The following KCNN2 variants were observed in gnomAD, a reference collection of about 807,000 sequenced individuals.
KCNN2 encodes potassium calcium-activated channel subfamily N member 2.
In KCNN2, 24 loss-of-function variants were observed where a neutral mutation model predicts 55.5. The ratio of observed to expected loss-of-function variants is 0.43; its 90% confidence interval spans 0.31 to 0.61. The LOEUF is 0.61. Ranked by LOEUF, KCNN2 falls within the 20% of genes least tolerant of loss-of-function variation. KCNN2 has a pLI of 0.08. For synonymous variants in KCNN2, 431 were observed against 336.1 expected, an observed-to-expected ratio of 1.28 and a Z score of -3.09; for missense variants, 754 against 853.6, an observed-to-expected ratio of 0.88 and a Z score of 1.45.
intron 2 of KCNN2, among the ~76,000 whole-genome samples, chr5:114,258,037 G>GT (rs1755017553): frequency 6.6e-6 from 1 of 151,944 alleles, no homozygotes. Context: ...TTTGTTGAGG[G>GT]TTTTTTAATC....
intron 2 of KCNN2, among the ~76,000 whole-genome samples, chr5:114,265,050 G>T (rs1755182555): frequency 6.6e-6 from 1 of 152,152 alleles, no homozygotes; most frequent in Admixed American, 6.5e-5. Flanking sequence ...CAGAGGGCTT[G>T]ATTGGGATAA....
At chr5:114,406,428 T>C (rs1388213613) in intron 3 of KCNN2, among the ~76,000 whole-genome samples, 1 of 151,970 alleles carries the variant, frequency 6.6e-6, no homozygotes, top group African/African-American at 2.4e-5. Flanking sequence ...CAGTAAGATA[T>C]ATAAACCCTA....
At chr5:114,084,900 A>AT (rs976715504) in intron 1 of KCNN2, among the ~76,000 whole-genome samples, 1 of 151,890 alleles carries the variant, frequency 6.6e-6, no homozygotes, top group Non-Finnish European at 1.5e-5. Context: ...TTCTAGCACC[A>AT]TTTTTTAAAA....
chr5:114,312,432 CACATATATAT>C (rs1561566584), intron 2 of KCNN2, among the ~76,000 whole-genome samples: 20 of 19,286 alleles, frequency 1.0e-3, no homozygotes, highest in South Asian at 1.8e-3. Flanking sequence ...CACACACACA[CACATATATAT>C]ATATATATAT....
chr5:114,329,227 G>T (rs1452694700), intron 2 of KCNN2, among the ~76,000 whole-genome samples: 1 of 152,210 alleles, frequency 6.6e-6, no homozygotes, highest in East Asian at 1.9e-4. Flanking sequence ...CAGCGTGATG[G>T]TTAATATTGA....
intron 1 of KCNN2, among the ~76,000 whole-genome samples, chr5:114,135,308 C>T (rs760611193): frequency 2.0e-5 from 3 of 152,180 alleles, no homozygotes; most frequent in African/African-American, 2.4e-5. Flanking sequence ...TGTCCCTACT[C>T]CAACCCGATA....
intron 1 of KCNN2, among the ~76,000 whole-genome samples, chr5:114,128,267 G>C (rs1016228290): frequency 6.6e-6 from 1 of 152,118 alleles, no homozygotes. Context: ...AGCGTGGCTG[G>C]GGAGGCCTCA....
chr5:114,209,353 A>G (rs9326914), intron 1 of KCNN2, among the ~76,000 whole-genome samples: 149,695 of 152,034 alleles, frequency 0.98, 73,754 homozygotes, highest in Middle Eastern at 1. Flanking sequence ...CTATTCCTTT[A>G]AATTCCATTT....
In KCNN2 at chr5:114,119,965, G is replaced by A. The variant is rs541708835; in HGVS notation, c.-271+63465G>A. ...TTAGGAGATGGAAAGTCACCAAGAAGGAAAAGAAAAACACAGCATGTGCGC... is the reference window on the plus strand; with the variant it reads ...TTAGGAGATGGAAAGTCACCAAGAAAGAAAAGAAAAACACAGCATGTGCGC... On this transcript the variant is annotated intron_variant, in intron 1 of 10. Transcript: ENST00000512097. Among the ~76,000 whole-genome samples the A allele has an allele frequency of 8.8e-4, 134 of 152,020 alleles. 1 individual carries two copies. Among genetic ancestry groups the A allele is most frequent in the African/African-American group, 3.1e-3 (127 of 41,472 alleles).
intron 1 of KCNN2, among the ~76,000 whole-genome samples, chr5:114,116,526 A>G (rs1372167694): frequency 6.6e-6 from 1 of 152,118 alleles, no homozygotes; most frequent in African/African-American, 2.4e-5. Flanking sequence ...ATTCTTTCTA[A>G]TGAACTGTGA....
intron 2 of KCNN2, among the ~76,000 whole-genome samples, chr5:114,297,443 G>T (rs1360160328): frequency 6.6e-6 from 1 of 152,100 alleles, no homozygotes; most frequent in African/African-American, 2.4e-5. Flanking sequence ...TCAGAGAAAA[G>T]AATATGTGCT....
intron 1 of KCNN2, among the ~76,000 whole-genome samples, chr5:114,150,364 C>A (rs1752496552): frequency 6.6e-6 from 1 of 152,188 alleles, no homozygotes; most frequent in Non-Finnish European, 1.5e-5. Context: ...ACCATCTGAT[C>A]TTTGACAAAC....
chr5:114,253,201 C>T (rs1278013913), intron 2 of KCNN2, among the ~76,000 whole-genome samples: 4 of 144,896 alleles, frequency 2.8e-5, no homozygotes, highest in East Asian at 4.1e-4. Context: ...AATTATGGGG[C>T]AATGGACCTA....
At chr5:114,160,306 G>C (rs1324700843) in intron 1 of KCNN2, among the ~76,000 whole-genome samples, 2 of 152,178 alleles carry the variant, frequency 1.3e-5, no homozygotes, top group African/African-American at 2.4e-5. Context: ...CCATGTAGTT[G>C]AGCGGCTTTG....
intron 2 of KCNN2, among the ~76,000 whole-genome samples, chr5:114,263,199 G>A (rs949376208): frequency 1.3e-5 from 2 of 152,092 alleles, no homozygotes; most frequent in African/African-American, 2.4e-5. Context: ...TTGAAAACAA[G>A]CAGTTTACAG....
At chr5:114,210,326 A>G (rs1024543329) in intron 1 of KCNN2, among the ~76,000 whole-genome samples, 2 of 152,214 alleles carry the variant, frequency 1.3e-5, no homozygotes, top group Non-Finnish European at 2.9e-5. Flanking sequence ...AGAATCACAC[A>G]TAATACATGG....
At chr5:114,462,947 T>C (rs570587185) in intron 3 of KCNN2, 102 bp from the exon 4 acceptor site, 274 of 1,129,440 alleles carry the variant, frequency 2.4e-4, no homozygotes, top group Non-Finnish European at 3.2e-4. Flanking sequence ...AATATAGCAG[T>C]TTATAGAAGA....
intron 1 of KCNN2, among the ~76,000 whole-genome samples, chr5:114,127,441 C>T (rs376309105): frequency 4.6e-5 from 7 of 152,188 alleles, no homozygotes; most frequent in Non-Finnish European, 7.3e-5. Context: ...AGCCATGACT[C>T]GAGCTGCACC....
intron 2 of KCNN2, among the ~76,000 whole-genome samples, chr5:114,320,740 T>C (rs751102696): frequency 2.6e-5 from 4 of 152,206 alleles, no homozygotes; most frequent in Admixed American, 2.6e-4. Context: ...CCATCCTTCA[T>C]GTATCTTCTT....
Sources: allele counts gnomAD v4.1 joint callset (sites outside exome capture counted in the v4.1 genomes callset), GRCh38; gene constraint gnomAD v4.1.1; transcripts MANE v1.5; gene names NCBI Gene and HGNC (gene_info 2026-07-23, HGNC 2026-07-21).